MALRD1: variants seen among roughly 807,000 people sequenced by gnomAD.
The protein encoded by MALRD1 is MAM and LDL receptor class A domain containing 1, also known as MAM and LDL-receptor class A domain-containing protein 1.
In MALRD1, 247 loss-of-function variants were observed where a neutral mutation model predicts 242.1. The observed-to-expected ratio is 1.02, with a 90% confidence interval of 0.92 to 1.13. MALRD1 has a LOEUF of 1.13. MALRD1 is among the 50% of genes most tolerant of loss of function. The probability of loss-of-function intolerance (pLI) is 0.00; values close to 1 mark genes in which losing one functional copy is unlikely to be tolerated. For synonymous variants in MALRD1, 995 were observed against 866.6 expected, an observed-to-expected ratio of 1.15 and a Z score of -2.60; for missense variants, 2,989 against 2,533.1, an observed-to-expected ratio of 1.18 and a Z score of -3.86.
intron 33 of MALRD1, among the ~76,000 whole-genome samples, chr10:19,587,660 C>T (rs1332754718): frequency 2.6e-5 from 4 of 152,294 alleles, no homozygotes; most frequent in Admixed American, 1.3e-4. Flanking sequence ...TGAAACTTAA[C>T]GTCTTGTGGG....
chr10:19,512,833 T>G (rs190388851), intron 31 of MALRD1, among the ~76,000 whole-genome samples: 1 of 152,310 alleles, frequency 6.6e-6, no homozygotes, highest in East Asian at 1.9e-4. Context: ...TTTTTTTTCA[T>G]AATTTAAGTC....
rs71387044 is a variant in MALRD1, at chr10:19,124,043, C to CA, written c.797-460dup. On this transcript the variant is annotated intron_variant, in intron 6 of 39. Coordinates refer to ENST00000454679, the MANE Select transcript of MALRD1 (RefSeq NM_001142308.3). ...CAATATAGCAAGATGTCATCTCTAC[C>CA]AAAAAAAAAAAAAAAAAAAAAGAAT... Among the ~76,000 whole-genome samples the CA allele has an allele frequency of 9.4e-3, 818 of 87,136 alleles. 2 individuals carry two copies. The highest frequency in any genetic ancestry group is 0.026 in the Middle Eastern group (4 of 154). 57.2% of individuals were successfully genotyped at this position (87,136 alleles called of 152,430 possible). A position where few individuals can be genotyped will look rare whatever the true frequency, so the allele number is the denominator to read the frequency against.
intron 4 of MALRD1, among the ~76,000 whole-genome samples, chr10:19,096,249 A>G (rs1449906489): frequency 6.6e-6 from 1 of 152,186 alleles, no homozygotes; most frequent in Non-Finnish European, 1.5e-5. Context: ...AAATATGTGC[A>G]GTAGATCAAT....
chr10:19,183,183 A>G (rs550792202), intron 14 of MALRD1, among the ~76,000 whole-genome samples: 13 of 150,426 alleles, frequency 8.6e-5, no homozygotes, highest in South Asian at 6.3e-4. Context: ...GTTTATTCAT[A>G]GAAATGCTAA....
intron 28 of MALRD1, among the ~76,000 whole-genome samples, chr10:19,445,982 C>G (rs987454977): frequency 1.3e-5 from 2 of 152,202 alleles, no homozygotes; most frequent in African/African-American, 2.4e-5. Context: ...TTTACCTACT[C>G]AAGCCTCAGC....
chr10:19,096,003 T>C (rs1836016910), intron 4 of MALRD1, among the ~76,000 whole-genome samples: 1 of 152,180 alleles, frequency 6.6e-6, no homozygotes. Context: ...TACACATCTT[T>C]TTCAACTTTG....
intron 29 of MALRD1, among the ~76,000 whole-genome samples, chr10:19,485,901 A>G (rs1837216684): frequency 6.6e-6 from 1 of 152,026 alleles, no homozygotes; most frequent in African/African-American, 2.4e-5. Flanking sequence ...TAACTAAATT[A>G]GGGGTATATT....
chr10:19,451,851 A>G (rs1405039113), intron 29 of MALRD1, among the ~76,000 whole-genome samples: 6 of 152,178 alleles, frequency 3.9e-5, no homozygotes, highest in Admixed American at 2.0e-4. Context: ...CTTATGTTAA[A>G]TAAAATCAGA....
chr10:19,114,091 A>T (rs925384438), intron 5 of MALRD1, among the ~76,000 whole-genome samples: 2 of 152,232 alleles, frequency 1.3e-5, no homozygotes, highest in Non-Finnish European at 2.9e-5. Flanking sequence ...TTTAAATAAA[A>T]TATCAGGGGA....
At chr10:19,383,441 C>T (rs921342381) in intron 26 of MALRD1, among the ~76,000 whole-genome samples, 1 of 152,098 alleles carries the variant, frequency 6.6e-6, no homozygotes, top group Non-Finnish European at 1.5e-5. Context: ...TTTTCCTTAT[C>T]CAGTCTACAG....
At chr10:19,498,143 A>T (rs1837804833) in intron 30 of MALRD1, among the ~76,000 whole-genome samples, 1 of 152,232 alleles carries the variant, frequency 6.6e-6, no homozygotes, top group Admixed American at 6.5e-5. Context: ...AAGTGAATTA[A>T]ACATCCAGAC....
At chr10:19,137,532 G>A (rs931370283) in intron 10 of MALRD1, among the ~76,000 whole-genome samples, 3 of 151,454 alleles carry the variant, frequency 2.0e-5, no homozygotes, top group Admixed American at 6.6e-5. Context: ...CCTGAACATG[G>A]GAGGTGGAGG....
intron 24 of MALRD1, among the ~76,000 whole-genome samples, chr10:19,332,844 G>A (rs189957612): frequency 1.3e-5 from 2 of 152,268 alleles, no homozygotes; most frequent in African/African-American, 4.8e-5. Flanking sequence ...CATAAAACTT[G>A]TACTGACAGA....
intron 26 of MALRD1, among the ~76,000 whole-genome samples, chr10:19,379,952 C>G (rs11009666): frequency 6.6e-6 from 1 of 150,680 alleles, no homozygotes; most frequent in Non-Finnish European, 1.5e-5. Flanking sequence ...TGGATAAACA[C>G]TGAAGTTTTA....
At chr10:19,550,076 G>T (rs375313396) in intron 32 of MALRD1, among the ~76,000 whole-genome samples, 1 of 152,044 alleles carries the variant, frequency 6.6e-6, no homozygotes, top group Non-Finnish European at 1.5e-5. Context: ...AAGAAAACTG[G>T]GGGATTCTTG....
chr10:19,156,488 A>T (rs1206279582), intron 12 of MALRD1, among the ~76,000 whole-genome samples: 2 of 149,014 alleles, frequency 1.3e-5, no homozygotes, highest in Non-Finnish European at 3.0e-5. Flanking sequence ...TTGAGGGGAA[A>T]CTCCAGAAGC....
intron 26 of MALRD1, among the ~76,000 whole-genome samples, chr10:19,352,736 T>A (rs61459628): frequency 0.041 from 6,168 of 152,262 alleles, 204 homozygotes; most frequent in African/African-American, 0.092. Flanking sequence ...AATTTGATAT[T>A]GAAACAAAGC....
intron 38 of MALRD1, among the ~76,000 whole-genome samples, chr10:19,718,312 G>A (rs1252062291): frequency 1.3e-5 from 2 of 152,196 alleles, no homozygotes; most frequent in East Asian, 3.9e-4. Context: ...AATTCTGCAA[G>A]CTGCGTAAGA....
intron 38 of MALRD1, chr10:19,722,619 AGG>A (rs1221653153): frequency 6.9e-6 from 1 of 144,480 alleles, no homozygotes. Flanking sequence ...AAAAAAAAAA[AGG>A]TGGAAAAAAT....
Sources: gnomAD v4.1 joint callset for allele counts (sites outside exome capture counted in the v4.1 genomes callset) on GRCh38, gnomAD v4.1.1 for gene constraint, MANE v1.5 for transcripts, NCBI Gene and HGNC (gene_info 2026-07-23, HGNC 2026-07-21) for gene names.